The following RBFOX1 variants were observed in gnomAD, a reference collection of about 807,000 sequenced individuals.
RBFOX1 encodes RNA binding protein fox-1 homolog 1.
Under a neutral mutation model 57.7 loss-of-function variants are expected in RBFOX1, and 8 were observed. The observed-to-expected ratio is 0.14, with a 90% CI of 0.08 to 0.25. The LOEUF is 0.25. Ranked by LOEUF, RBFOX1 falls within the 10% of genes least tolerant of loss-of-function variation. The probability of loss-of-function intolerance (pLI) is 1.00; values close to 1 mark genes in which losing one functional copy is unlikely to be tolerated. For missense variants in RBFOX1, 611 were observed against 548.5 expected, an observed-to-expected ratio of 1.11 and a Z score of -1.14; for synonymous variants, 326 against 222.4, an observed-to-expected ratio of 1.47 and a Z score of -4.15.
intron 5 of RBFOX1, among the ~76,000 whole-genome samples, chr16:7,537,685 C>T (rs942837037): frequency 1.2e-4 from 18 of 152,152 alleles, no homozygotes; most frequent in African/African-American, 4.1e-4. Context: ...TGGCTTCTAA[C>T]GTGATTTCAT....
intron 1 of RBFOX1, among the ~76,000 whole-genome samples, chr16:6,174,426 C>T (rs569651535): frequency 6.6e-6 from 1 of 152,096 alleles, no homozygotes; most frequent in Non-Finnish European, 1.5e-5. Context: ...AAAACCCCGT[C>T]TTTACTAAAA....
intron 14 of RBFOX1, among the ~76,000 whole-genome samples, chr16:7,693,539 T>C (rs575157975): frequency 6.6e-6 from 1 of 151,702 alleles, no homozygotes; most frequent in South Asian, 2.1e-4. Flanking sequence ...CTCTGCCATA[T>C]AAGACGACAT....
intron 3 of RBFOX1, among the ~76,000 whole-genome samples, chr16:7,004,550 G>A (rs557484154): frequency 1.8e-4 from 28 of 152,168 alleles, no homozygotes; most frequent in East Asian, 5.8e-4. Flanking sequence ...TCATGGACAC[G>A]TCCTAGCTAT....
rs766300841 is a variant in RBFOX1, at chr16:7,653,892, G to C, written c.835G>C (p.Val279Leu). 2 of 1,600,454 alleles carry C rather than the reference G, an allele frequency of 1.2e-6. No individual in the cohort carries two copies. The highest frequency in any genetic ancestry group is 8.5e-7 in the Non-Finnish European group (1 of 1,178,556). Reference protein sequence around the residue: ...GAHLRGRGRTVYNTFRAAAPP... With the variant: ...GAHLRGRGRTLYNTFRAAAPP... The stretch of plus-strand genomic sequence containing the variant: ...GCACCTGCGAGGCCGCGGTCGCACC[G>C]TGTACAACACCTTCAGGGCCGCGGC... The change falls in exon 12 of 16, where the codon GTG (valine) becomes CTG (leucine). Residue 279 changes from valine (V) to leucine (L), a missense_variant. This residue lies in a region of RBFOX1 where 267 missense variants were observed against 229.1 expected (regional missense o/e 1.17). Transcript: ENST00000550418.
intron 2 of RBFOX1, among the ~76,000 whole-genome samples, chr16:6,521,241 T>C (rs987813626): frequency 6.6e-6 from 1 of 152,180 alleles, no homozygotes; most frequent in African/African-American, 2.4e-5. Context: ...TAGGCTGTGC[T>C]ACTGTTGCTC....
intron 5 of RBFOX1, among the ~76,000 whole-genome samples, chr16:7,549,425 G>A (rs951678683): frequency 2.0e-5 from 3 of 152,162 alleles, no homozygotes; most frequent in Non-Finnish European, 4.4e-5. Flanking sequence ...CCTGTATTAC[G>A]GTTCTCTAAA....
chr16:5,291,833 T>A (rs2063542879), intron 1 of RBFOX1, among the ~76,000 whole-genome samples: 1 of 152,074 alleles, frequency 6.6e-6, no homozygotes, highest in African/African-American at 2.4e-5. Flanking sequence ...ACTTGGTCAC[T>A]GAATGTGGGT....
intron 4 of RBFOX1, among the ~76,000 whole-genome samples, chr16:7,174,160 A>G (rs1292756998): frequency 6.6e-6 from 1 of 151,644 alleles, no homozygotes; most frequent in Non-Finnish European, 1.5e-5. Flanking sequence ...TATTTAATTT[A>G]GCAGAAAGTT....
At chr16:7,503,210 C>G (rs902714682) in intron 4 of RBFOX1, among the ~76,000 whole-genome samples, 8 of 152,074 alleles carry the variant, frequency 5.3e-5, no homozygotes, top group Admixed American at 6.6e-5. Flanking sequence ...TGCCAATTTT[C>G]CAAATCTAGC....
In RBFOX1 at chr16:7,579,866, T is replaced by A. The variant is rs767190235; in HGVS notation, c.360T>A (p.His120Gln). ...ACAAGTCTCAGCCCAAGCGGCTGCATGTCTCCAATATCCCCTTCAGGTTCC... is the reference window on the plus strand; with the variant it reads ...ACAAGTCTCAGCCCAAGCGGCTGCAAGTCTCCAATATCCCCTTCAGGTTCC... ...TENKSQPKRLHVSNIPFRFRD... is the reference protein window; with the variant it reads ...TENKSQPKRLQVSNIPFRFRD... The change falls in exon 6 of 16, where the codon CAT becomes CAA. Residue 120 changes from histidine (H) to glutamine (Q), a missense_variant. By Grantham distance (24) the His-to-Gln change is conservative (BLOSUM62 0). Transcript: ENST00000550418. 6.2e-7 allele frequency: 1 copy of A among 1,614,134 alleles called. No homozygotes were observed. Among genetic ancestry groups the A allele is most frequent in the Non-Finnish European group, 8.5e-7 (1 of 1,179,982 alleles).
chr16:7,200,366 C>T (rs4786979), intron 4 of RBFOX1, among the ~76,000 whole-genome samples: 129,139 of 152,230 alleles, frequency 0.85, 55,431 homozygotes, highest in East Asian at 1. Context: ...ACAGGAAGCA[C>T]GCATGTGCAT....
intron 4 of RBFOX1, among the ~76,000 whole-genome samples, chr16:5,996,402 A>T (rs563992476): frequency 1.3e-5 from 2 of 152,156 alleles, no homozygotes; most frequent in East Asian, 1.9e-4. Flanking sequence ...TTACATATTC[A>T]GAACTGGCTT....
intron 3 of RBFOX1, among the ~76,000 whole-genome samples, chr16:6,904,336 C>T (rs1443273739): frequency 2.6e-5 from 4 of 152,084 alleles, no homozygotes; most frequent in Admixed American, 6.5e-5. Flanking sequence ...TGGGCTGGCT[C>T]ATGCCTGTAA....
intron 2 of RBFOX1, among the ~76,000 whole-genome samples, chr16:6,484,588 C>A (rs769279312): frequency 6.6e-6 from 1 of 152,086 alleles, no homozygotes; most frequent in Non-Finnish European, 1.5e-5. Context: ...ATGTGACATC[C>A]ATCAGTCTAC....
At chr16:5,765,099 T>G (rs180683936) in intron 3 of RBFOX1, among the ~76,000 whole-genome samples, 1 of 152,194 alleles carries the variant, frequency 6.6e-6, no homozygotes, top group African/African-American at 2.4e-5. Context: ...CATGTTTGCA[T>G]GAAAGCATCT....
intron 4 of RBFOX1, among the ~76,000 whole-genome samples, chr16:7,310,093 C>T (rs2096274514): frequency 6.6e-6 from 1 of 152,212 alleles, no homozygotes; most frequent in Admixed American, 6.5e-5. Flanking sequence ...CAGATAGGGT[C>T]AGCTCTCAGG....
intron 2 of RBFOX1, among the ~76,000 whole-genome samples, chr16:5,523,096 G>A (rs2044085181): frequency 1.3e-5 from 2 of 152,074 alleles, no homozygotes; most frequent in Non-Finnish European, 2.9e-5. Flanking sequence ...GACTAGCCTG[G>A]CCAATATGGT....
intron 2 of RBFOX1, among the ~76,000 whole-genome samples, chr16:6,585,640 C>T (rs2097599427): frequency 1.3e-5 from 2 of 152,172 alleles, no homozygotes; most frequent in African/African-American, 4.8e-5. Context: ...ATGACATAGA[C>T]TCTTTCTGTT....
intron 1 of RBFOX1, among the ~76,000 whole-genome samples, chr16:6,150,800 C>A (rs2096792192): frequency 2.0e-5 from 3 of 152,194 alleles, no homozygotes; most frequent in African/African-American, 7.2e-5. Context: ...TCAGAAGCCT[C>A]CACATATTTC....
Sources: allele counts gnomAD v4.1 joint callset (sites outside exome capture counted in the v4.1 genomes callset), GRCh38; gene constraint gnomAD v4.1.1; regional missense constraint gnomAD v4.1.1; transcripts MANE v1.5; gene names NCBI Gene and HGNC (gene_info 2026-07-23, HGNC 2026-07-21).